MAPK10: variants seen among roughly 807,000 people sequenced by gnomAD.
The protein encoded by MAPK10 is JNK3 alpha protein kinase.
A neutral mutation model predicts 59.3 loss-of-function variants in MAPK10; 25 were observed. The observed-to-expected ratio is 0.42, with a 90% CI of 0.31 to 0.59. The LOEUF (loss-of-function observed/expected upper bound fraction) is 0.59, where lower values mean the gene tolerates loss of function less well. Among genes scored for constraint, MAPK10 ranks in the 20% least tolerant of loss-of-function variants. The pLI is 0.15. For synonymous variants in MAPK10, 190 were observed against 200.5 expected, an observed-to-expected ratio of 0.95 and a Z score of 0.44; for missense variants, 351 against 568.9, an observed-to-expected ratio of 0.62 and a Z score of 3.90.
chr4:86,312,055 C>T (rs528161269), intron 2 of MAPK10, among the ~76,000 whole-genome samples: 4 of 152,224 alleles, frequency 2.6e-5, no homozygotes, highest in African/African-American at 7.2e-5. Context: ...AATAAACTCA[C>T]AAGTCAGTAC....
At chr4:86,037,818 G>A (rs2040658647) in intron 11 of MAPK10, among the ~76,000 whole-genome samples, 1 of 152,124 alleles carries the variant, frequency 6.6e-6, no homozygotes, top group African/African-American at 2.4e-5. Context: ...ATACATTTAT[G>A]GTCTCTTATG....
At chr4:86,062,814 T>C (rs2045981957) in intron 11 of MAPK10, among the ~76,000 whole-genome samples, 1 of 152,162 alleles carries the variant, frequency 6.6e-6, no homozygotes, top group East Asian at 1.9e-4. Context: ...CTTCATTCCA[T>C]CCCAAGAACA....
At chr4:86,556,904 G>A (rs1236215603) in intron 1 of MAPK10, among the ~76,000 whole-genome samples, 1 of 152,082 alleles carries the variant, frequency 6.6e-6, no homozygotes, top group East Asian at 1.9e-4. Flanking sequence ...TCCATGCTCA[G>A]TTTATATTCT....
In MAPK10 at chr4:86,575,347, CAT is replaced by C. The variant is rs1284361391; in HGVS notation, c.-263+18561_-263+18562del. Among the ~76,000 whole-genome samples the C allele has an allele frequency of 3.3e-5, 5 of 152,110 alleles. No individual in the cohort carries two copies. The South Asian group carries it at 8.3e-4, about 25-fold the overall frequency. On this transcript the variant is annotated intron_variant, in intron 1 of 4. Coordinates refer to the MAPK10 transcript ENST00000502302. ...CTCAGATATTATGGATATTTGATAT[CAT>C]AATATGGATTATGGAATCGGATGGG...
intron 5 of MAPK10, among the ~76,000 whole-genome samples, chr4:86,103,650 A>G (rs2055985636): frequency 6.6e-6 from 1 of 152,122 alleles, no homozygotes; most frequent in Non-Finnish European, 1.5e-5. Flanking sequence ...CAAATGAACA[A>G]AGTTGTGTTC....
At chr4:86,570,036 A>G (rs1761341532) in intron 1 of MAPK10, among the ~76,000 whole-genome samples, 1 of 152,224 alleles carries the variant, frequency 6.6e-6, no homozygotes, top group Non-Finnish European at 1.5e-5. Flanking sequence ...ATCCATCAAG[A>G]TAAAAGTCTG....
chr4:86,570,007 GA>G (rs1565056909), intron 1 of MAPK10, among the ~76,000 whole-genome samples: 1 of 152,060 alleles, frequency 6.6e-6, no homozygotes, highest in East Asian at 1.9e-4. Flanking sequence ...TTTCAGCTGA[GA>G]AAAAAAGTGA....
At chr4:86,066,301 T>G (rs1396880183) in intron 10 of MAPK10, among the ~76,000 whole-genome samples, 1 of 152,180 alleles carries the variant, frequency 6.6e-6, no homozygotes, top group Non-Finnish European at 1.5e-5. Context: ...ATTAATTCAA[T>G]ATTTAATTTT....
intron 2 of MAPK10, among the ~76,000 whole-genome samples, chr4:86,206,723 T>C (rs1222362346): frequency 6.6e-6 from 1 of 152,208 alleles, no homozygotes; most frequent in East Asian, 1.9e-4. Flanking sequence ...TCCTGACTTT[T>C]TAATGATCGC....
intron 1 of MAPK10, among the ~76,000 whole-genome samples, chr4:86,508,661 C>T (rs1297547476): frequency 6.6e-6 from 1 of 152,106 alleles, no homozygotes; most frequent in African/African-American, 2.4e-5. Context: ...AATGATTTGG[C>T]TCTTTTTCCC....
intron 2 of MAPK10, among the ~76,000 whole-genome samples, chr4:86,297,727 C>T (rs1261523760): frequency 3.0e-5 from 4 of 132,650 alleles, no homozygotes; most frequent in Admixed American, 7.9e-5. Context: ...ATTACCCGGA[C>T]GATTTTTCTT....
At chr4:86,252,565 G>A (rs2093506119) in intron 2 of MAPK10, among the ~76,000 whole-genome samples, 1 of 140,432 alleles carries the variant, frequency 7.1e-6, no homozygotes, top group Non-Finnish European at 1.5e-5. Context: ...ATGCTGTTTT[G>A]GTTACTGTAG....
chr4:86,105,428 A>G (rs1160080734), intron 5 of MAPK10, among the ~76,000 whole-genome samples: 1 of 152,150 alleles, frequency 6.6e-6, no homozygotes, highest in African/African-American at 2.4e-5. Context: ...TAGGCTTCAT[A>G]AATATGAGTC....
At chr4:86,580,302 C>G (rs1216378642) in intron 1 of MAPK10, among the ~76,000 whole-genome samples, 1 of 152,082 alleles carries the variant, frequency 6.6e-6, no homozygotes, top group Non-Finnish European at 1.5e-5. Flanking sequence ...AGTTTGAGAT[C>G]AGCCTGATCA....
At chr4:86,262,589 T>C (rs1344919332) in intron 2 of MAPK10, among the ~76,000 whole-genome samples, 1 of 152,228 alleles carries the variant, frequency 6.6e-6, no homozygotes, top group Non-Finnish European at 1.5e-5. Context: ...CCTAGTACGA[T>C]AACCATATGC....
chr4:86,223,067 C>T (rs572642145), intron 2 of MAPK10, among the ~76,000 whole-genome samples: 4 of 152,360 alleles, frequency 2.6e-5, no homozygotes, highest in South Asian at 4.1e-4. Flanking sequence ...TCAATACCCA[C>T]ATGCTCAACA....
At chr4:86,541,410 A>G (rs944489812) in intron 1 of MAPK10, among the ~76,000 whole-genome samples, 1 of 152,176 alleles carries the variant, frequency 6.6e-6, no homozygotes, top group African/African-American at 2.4e-5. Context: ...CAAAGACCAG[A>G]TATGCCTTCC....
chr4:86,390,039 CTAAATT>C (rs1322046185), intron 1 of MAPK10, among the ~76,000 whole-genome samples: 1 of 152,120 alleles, frequency 6.6e-6, no homozygotes, highest in Non-Finnish European at 1.5e-5. Flanking sequence ...TTTCCTAAAT[CTAAATT>C]TATTCATTCC....
chr4:86,191,283 C>A (rs2079691677), intron 3 of MAPK10, among the ~76,000 whole-genome samples: 1 of 152,130 alleles, frequency 6.6e-6, no homozygotes, highest in Admixed American at 6.6e-5. Context: ...GAGCTGCATT[C>A]AAGTCCTGAA....
Sources: allele counts gnomAD v4.1 joint callset (sites outside exome capture counted in the v4.1 genomes callset), GRCh38; gene constraint gnomAD v4.1.1; transcripts MANE v1.5; gene names NCBI Gene and HGNC (gene_info 2026-07-23, HGNC 2026-07-21).